CAMK1D: variants seen among roughly 807,000 people sequenced by gnomAD.
CAMK1D encodes the protein calcium/calmodulin-dependent protein kinase type 1D.
Under a neutral mutation model 47.7 loss-of-function variants are expected in CAMK1D, and 9 were observed. The observed-to-expected ratio is 0.19, with a 90% confidence interval of 0.11 to 0.33. CAMK1D has a LOEUF of 0.33. Among genes scored for constraint, CAMK1D ranks in the 10% least tolerant of loss-of-function variants. The probability of loss-of-function intolerance (pLI) is 1.00; values close to 1 mark genes in which losing one functional copy is unlikely to be tolerated. For missense variants in CAMK1D, 291 were observed against 488.7 expected, an observed-to-expected ratio of 0.60 and a Z score of 3.81; for synonymous variants, 184 against 184.9, an observed-to-expected ratio of 0.99 and a Z score of 0.04.
intron 2 of CAMK1D, among the ~76,000 whole-genome samples, chr10:12,623,112 C>T (rs73572286): frequency 0.19 from 16,092 of 83,486 alleles, 3,727 homozygotes; most frequent in African/African-American, 0.34. Flanking sequence ...TCGCTCCCTC[C>T]CTTCCTTCTT....
chr10:12,723,357 C>G (rs1167169238), intron 3 of CAMK1D, among the ~76,000 whole-genome samples: 1 of 152,160 alleles, frequency 6.6e-6, no homozygotes, highest in Non-Finnish European at 1.5e-5. Context: ...TAGAAAGCTT[C>G]CCTGACCTCA....
At chr10:12,678,779 C>T (rs1472309127) in intron 3 of CAMK1D, among the ~76,000 whole-genome samples, 1 of 151,794 alleles carries the variant, frequency 6.6e-6, no homozygotes, top group Non-Finnish European at 1.5e-5. Context: ...GTTTTTAATC[C>T]AATAATTTTT....
intron 6 of CAMK1D, among the ~76,000 whole-genome samples, chr10:12,807,590 C>T (rs928704225): frequency 8.5e-5 from 13 of 152,210 alleles, no homozygotes; most frequent in African/African-American, 2.9e-4. Context: ...GCAGCGTCCA[C>T]TGAAGAGGGA....
intron 1 of CAMK1D, among the ~76,000 whole-genome samples, chr10:12,440,437 G>A (rs921461606): frequency 5.3e-5 from 8 of 151,980 alleles, no homozygotes; most frequent in African/African-American, 1.9e-4. Context: ...ACAGGTGGAC[G>A]CCACCACACC....
At chr10:12,439,985 C>G (rs745607558) in intron 1 of CAMK1D, among the ~76,000 whole-genome samples, 1 of 152,136 alleles carries the variant, frequency 6.6e-6, no homozygotes, top group Non-Finnish European at 1.5e-5. Flanking sequence ...CTCACTACCA[C>G]GAGAACAGTA....
chr10:12,395,077 T>G (rs1016419281), intron 1 of CAMK1D, among the ~76,000 whole-genome samples: 3 of 145,342 alleles, frequency 2.1e-5, no homozygotes, highest in African/African-American at 7.6e-5. Flanking sequence ...TTTTTTTTTT[T>G]TTTTTTTTTG....
chr10:12,472,971 G>T (rs1250731438), intron 1 of CAMK1D, among the ~76,000 whole-genome samples: 3 of 152,222 alleles, frequency 2.0e-5, no homozygotes, highest in Non-Finnish European at 4.4e-5. Flanking sequence ...TCCATGTGGG[G>T]ATTGCTCTGA....
chr10:12,547,682 T>TCTCTCACA (rs10643491), intron 1 of CAMK1D, among the ~76,000 whole-genome samples: 2 of 116,508 alleles, frequency 1.7e-5, no homozygotes, highest in South Asian at 3.3e-4. Context: ...TTTCTCTCTC[T>TCTCTCACA]CACACACACA....
chr10:12,364,531 C>T (rs1203157313), intron 1 of CAMK1D, among the ~76,000 whole-genome samples: 2 of 152,032 alleles, frequency 1.3e-5, no homozygotes, highest in Non-Finnish European at 2.9e-5. Context: ...GCCTGAGCCA[C>T]CACGCATGGC....
At chr10:12,394,894 C>T (rs775100826) in intron 1 of CAMK1D, among the ~76,000 whole-genome samples, 16 of 151,920 alleles carry the variant, frequency 1.1e-4, no homozygotes, top group South Asian at 6.2e-4. Flanking sequence ...AGTGTGGTGG[C>T]AGGCAGGAAA....
chr10:12,454,733 G>A (rs992930651), intron 1 of CAMK1D, among the ~76,000 whole-genome samples: 1 of 152,222 alleles, frequency 6.6e-6, no homozygotes, highest in African/African-American at 2.4e-5. Flanking sequence ...AAAGTGCTGG[G>A]ATTACAGGTG....
At position 12,400,240 on chromosome 10, in the gene CAMK1D, C is replaced by T. The variant is rs180786650; in HGVS notation, c.92+50330C>T. 1.6e-3 allele frequency among the ~76,000 whole-genome samples: 247 copies of T among 152,294 alleles called. 1 individual carries two copies. The highest frequency in any genetic ancestry group is 5.6e-3 in the African/African-American group (234 of 41,564). On this transcript the variant is annotated intron_variant, in intron 1 of 10. Coordinates refer to ENST00000619168, the MANE Select transcript of CAMK1D (RefSeq NM_153498.4). ...TTACAAGACAGTCTTTGGAAGCAGT[C>T]CCCTAACAGAGTGGCAACCATTGGA...
intron 6 of CAMK1D, among the ~76,000 whole-genome samples, chr10:12,812,775 G>A (rs1219573621): frequency 6.6e-6 from 1 of 152,186 alleles, no homozygotes; most frequent in African/African-American, 2.4e-5. Context: ...TGGCCGTCCA[G>A]TGTAAACCAA....
rs114804021 is a variant in CAMK1D at position 12,593,216 on chromosome 10, C to T, written c.224+39860C>T. Reference sequence around the variant, plus strand: ...TGGGCCAGTTGTAGTTTAACGAACCCGTTTTAGGGCACTCTTTACTTTTTC... The same window carrying T: ...TGGGCCAGTTGTAGTTTAACGAACCTGTTTTAGGGCACTCTTTACTTTTTC... On this transcript the variant is annotated intron_variant, in intron 2 of 10. Transcript: ENST00000619168. 7.0e-3 allele frequency among the ~76,000 whole-genome samples: 1,068 copies of T among 152,198 alleles called. 15 individuals carry two copies. The highest frequency in any genetic ancestry group is 0.024 in the African/African-American group (997 of 41,488).
intron 3 of CAMK1D, among the ~76,000 whole-genome samples, chr10:12,729,598 C>T (rs1044090900): frequency 3.3e-5 from 5 of 152,220 alleles, no homozygotes; most frequent in African/African-American, 1.2e-4. Context: ...CACTGCACTC[C>T]AGCCTGGGTG....
At chr10:12,365,851 G>A (rs866380041) in intron 1 of CAMK1D, among the ~76,000 whole-genome samples, 2 of 152,216 alleles carry the variant, frequency 1.3e-5, no homozygotes, top group Admixed American at 6.5e-5. Flanking sequence ...TCAGGAGTTC[G>A]AGACCAGTCT....
intron 1 of CAMK1D, among the ~76,000 whole-genome samples, chr10:12,365,597 C>A (rs988358286): frequency 3.0e-4 from 45 of 152,048 alleles, no homozygotes; most frequent in African/African-American, 1.1e-3. Context: ...TGCCACCATG[C>A]CCGGCTAATT....
chr10:12,531,901 T>G (rs555338279), intron 1 of CAMK1D, among the ~76,000 whole-genome samples: 1 of 152,350 alleles, frequency 6.6e-6, no homozygotes, highest in South Asian at 2.1e-4. Flanking sequence ...GACAGTAAAG[T>G]CAAAGGAGAT....
rs572760331 is a variant in CAMK1D, at chr10:12,585,391, AGTT to A, written c.224+32039_224+32041del. Among the ~76,000 whole-genome samples, 5 of 152,294 alleles carry A rather than the reference AGTT, an allele frequency of 3.3e-5. No individual in the cohort carries two copies. The South Asian group carries it at 1.0e-3, about 32-fold the overall frequency. On this transcript the variant is annotated intron_variant, in intron 2 of 10. Coordinates refer to ENST00000619168, the MANE Select transcript of CAMK1D (RefSeq NM_153498.4). ...CCTGGGGTCTCCATTCTGACCCTGTAGTTGTTTCTCAAATGCAATGACCAAGTA... is the reference window on the plus strand; with the variant it reads ...CCTGGGGTCTCCATTCTGACCCTGTAGTTTCTCAAATGCAATGACCAAGTA...
Sources: gnomAD v4.1 joint callset for allele counts (sites outside exome capture counted in the v4.1 genomes callset) on GRCh38, gnomAD v4.1.1 for gene constraint, MANE v1.5 for transcripts, NCBI Gene and HGNC (gene_info 2026-07-23, HGNC 2026-07-21) for gene names.